The following GALNT13 variants were observed in gnomAD, a reference collection of about 807,000 sequenced individuals.
GALNT13 encodes the protein polypeptide N-acetylgalactosaminyltransferase 13.
A neutral mutation model predicts 64.2 loss-of-function variants in GALNT13; 28 were observed. That is an observed-to-expected ratio of 0.44 (90% CI 0.32 to 0.60). The LOEUF (loss-of-function observed/expected upper bound fraction) is 0.60. Among genes scored for constraint, GALNT13 ranks in the 20% least tolerant of loss-of-function variants. The probability of loss-of-function intolerance (pLI) is 0.05; values close to 1 mark genes in which losing one functional copy is unlikely to be tolerated. For missense variants in GALNT13, 577 were observed against 669.8 expected (o/e 0.86, Z 1.53); for synonymous variants, 214 against 224.6 (o/e 0.95, Z 0.42).
the GALNT13 span, among the ~76,000 whole-genome samples, chr2:153,581,634 G>A: frequency 6.6e-5 from 10 of 152,100 alleles, no homozygotes; most frequent in African/African-American, 2.4e-4. Context: ...GAAGTGTATG[G>A]ATGTTCTTTT....
the GALNT13 span, chr2:153,422,088 G>A: frequency 6.6e-6 from 1 of 152,098 alleles, no homozygotes; most frequent in African/African-American, 2.4e-5. Flanking sequence ...GGCATAAATA[G>A]CTCATGAAAC....
At chr2:153,640,518 C>G in the GALNT13 span, among the ~76,000 whole-genome samples, 1 of 152,104 alleles carries the variant, frequency 6.6e-6, no homozygotes, top group Non-Finnish European at 1.5e-5. Flanking sequence ...GTGGCTCATA[C>G]CTGTAATCCT....
intron 9 of GALNT13, among the ~76,000 whole-genome samples, chr2:154,352,648 C>T (rs550044546): frequency 2.0e-4 from 31 of 152,182 alleles, no homozygotes; most frequent in Non-Finnish European, 4.3e-4. Flanking sequence ...CTCCATAGCT[C>T]ATAACTTGCC....
chr2:153,614,728 A>G, the GALNT13 span, among the ~76,000 whole-genome samples: 1 of 151,978 alleles, frequency 6.6e-6, no homozygotes, highest in Non-Finnish European at 1.5e-5. Flanking sequence ...TTGGTTTTAT[A>G]ATTTATTTTT....
the GALNT13 span, among the ~76,000 whole-genome samples, chr2:153,321,014 A>G: frequency 1.3e-5 from 2 of 152,194 alleles, no homozygotes; most frequent in African/African-American, 4.8e-5. Flanking sequence ...GAGCCTTAAT[A>G]TAGCTCATGT....
intron 8 of GALNT13, among the ~76,000 whole-genome samples, chr2:154,273,331 G>GA (rs997344849): frequency 7.9e-5 from 12 of 151,752 alleles, no homozygotes; most frequent in African/African-American, 2.4e-4. Flanking sequence ...ATTCAGCATA[G>GA]AAAAAAAATG....
chr2:153,596,144 C>T, the GALNT13 span, among the ~76,000 whole-genome samples: 1 of 152,170 alleles, frequency 6.6e-6, no homozygotes, highest in Admixed American at 6.6e-5. Context: ...AGAGAGCTTC[C>T]ATCTCAGATT....
the GALNT13 span, among the ~76,000 whole-genome samples, chr2:153,228,723 G>A: frequency 6.6e-6 from 1 of 151,778 alleles, no homozygotes; most frequent in African/African-American, 2.4e-5. Context: ...AAGTACAAAA[G>A]TTAGCTGGGC....
the GALNT13 span, among the ~76,000 whole-genome samples, chr2:153,773,917 C>T: frequency 1.3e-5 from 2 of 152,104 alleles, no homozygotes; most frequent in African/African-American, 2.4e-5. Context: ...AATCTTAACT[C>T]TACCTGCAAA....
intron 7 of GALNT13, among the ~76,000 whole-genome samples, chr2:154,246,752 T>A (rs550708460): frequency 6.6e-6 from 1 of 152,166 alleles, no homozygotes; most frequent in East Asian, 1.9e-4. Flanking sequence ...AGAAATACCC[T>A]AACATTCTAG....
chr2:153,536,400 G>C, the GALNT13 span, among the ~76,000 whole-genome samples: 27 of 152,180 alleles, frequency 1.8e-4, no homozygotes, highest in Non-Finnish European at 2.6e-4. Context: ...CAATCTGGAG[G>C]AGGAGGGCAT....
At chr2:153,176,834 A>G in the GALNT13 span, among the ~76,000 whole-genome samples, 1 of 151,830 alleles carries the variant, frequency 6.6e-6, no homozygotes, top group African/African-American at 2.4e-5. Context: ...CTGAATTTTC[A>G]ACAGTAACTA....
At chr2:154,358,487 T>A (rs191822740) in intron 9 of GALNT13, among the ~76,000 whole-genome samples, 1 of 152,076 alleles carries the variant, frequency 6.6e-6, no homozygotes, top group Admixed American at 6.6e-5. Context: ...TACAATTCCG[T>A]ATATATTAAA....
At chr2:154,148,883 T>C (rs1683790942) in intron 4 of GALNT13, among the ~76,000 whole-genome samples, 1 of 152,150 alleles carries the variant, frequency 6.6e-6, no homozygotes, top group South Asian at 2.1e-4. Context: ...AGGTTGCCTG[T>C]TCACTCTGAT....
At chr2:153,592,867 T>C in the GALNT13 span, 1 of 152,220 alleles carries the variant, frequency 6.6e-6, no homozygotes, top group African/African-American at 2.4e-5. Flanking sequence ...TACCTTGAGA[T>C]GAGTCAATTT....
the GALNT13 span, among the ~76,000 whole-genome samples, chr2:153,304,576 A>G: frequency 6.6e-6 from 1 of 152,174 alleles, no homozygotes; most frequent in Non-Finnish European, 1.5e-5. Flanking sequence ...GTGAGACATT[A>G]GCAGAATTAT....
chr2:153,523,043 A>ATTTTTTTTTTTTT, the GALNT13 span, among the ~76,000 whole-genome samples: 2 of 83,404 alleles, frequency 2.4e-5, no homozygotes, highest in Non-Finnish European at 4.5e-5. Context: ...TGTGTTTACT[A>ATTTTTTTTTTTTT]TTTTTTTTTT....
At chr2:153,435,087 A>C in the GALNT13 span, among the ~76,000 whole-genome samples, 3 of 152,212 alleles carry the variant, frequency 2.0e-5, no homozygotes, top group East Asian at 5.8e-4. Flanking sequence ...TAAATAGGGG[A>C]TCCTTTCCCC....
intron 3 of GALNT13, among the ~76,000 whole-genome samples, chr2:154,099,862 C>T (rs1702259617): frequency 1.3e-5 from 2 of 152,074 alleles, no homozygotes; most frequent in Admixed American, 1.3e-4. Flanking sequence ...ATCACTTGAG[C>T]CTGGTAGGTT....
Sources: gnomAD v4.1 joint callset for allele counts (sites outside exome capture counted in the v4.1 genomes callset) on GRCh38, gnomAD v4.1.1 for gene constraint, MANE v1.5 for transcripts, NCBI Gene and HGNC (gene_info 2026-07-23, HGNC 2026-07-21) for gene names.